Variants in RASSF3 observed in about 807,000 individuals in gnomAD.
RASSF3 encodes the protein Ras association domain family member 3.
In RASSF3, 19 loss-of-function variants were observed where a neutral mutation model predicts 19.9. That is an observed-to-expected ratio of 0.96 (90% CI 0.67 to 1.40). The LOEUF (loss-of-function observed/expected upper bound fraction) is 1.40. RASSF3 is among the 40% of genes most tolerant of loss of function. The probability of loss-of-function intolerance (pLI) is 0.00; values close to 1 mark genes in which losing one functional copy is unlikely to be tolerated. For missense variants in RASSF3, 306 were observed against 289.8 expected, an observed-to-expected ratio of 1.06 and a Z score of -0.41; for synonymous variants, 110 against 104.2, an observed-to-expected ratio of 1.06 and a Z score of -0.34.
chr12:64,665,553 C>T (rs1872517240), intron 1 of RASSF3, among the ~76,000 whole-genome samples: 1 of 152,110 alleles, frequency 6.6e-6, no homozygotes, highest in South Asian at 2.1e-4. Context: ...AAGCACCTCT[C>T]CATAAGACAC....
At chr12:64,537,343 T>G (rs1488797901) in intron 1 of RASSF3, among the ~76,000 whole-genome samples, 2 of 152,158 alleles carry the variant, frequency 1.3e-5, no homozygotes, top group African/African-American at 4.8e-5. Flanking sequence ...ATCCCCTCTG[T>G]CTCACAAACA....
chr12:64,610,158 C>G (rs1031112202), upstream of RASSF3, among the ~76,000 whole-genome samples: 8 of 152,184 alleles, frequency 5.3e-5, no homozygotes, highest in Non-Finnish European at 8.8e-5. Flanking sequence ...CTCCGAAACT[C>G]GAGCCAGCGA....
At chr12:64,587,027 ATATTCCTCG>A (rs150389864) in intron 2 of RASSF3, among the ~76,000 whole-genome samples, 4,203 of 150,558 alleles carry the variant, frequency 0.028, 232 homozygotes, top group African/African-American at 0.098. Flanking sequence ...TCTATTTTCC[ATATTCCTCG>A]TATTCCTCGC....
At chr12:64,626,488 CAAAAAAAAAA>C (rs36122537) in intron 1 of RASSF3, among the ~76,000 whole-genome samples, 1 of 76,850 alleles carries the variant, frequency 1.3e-5, no homozygotes, top group East Asian at 4.6e-4. Flanking sequence ...ACTCTTGTCT[CAAAAAAAAAA>C]AAAAAAAGAA....
chr12:64,691,474 C>T lies in RASSF3; in HGVS notation c.462C>T (p.Tyr154=), dbSNP rs756092933. 29 of 1,609,144 alleles carry T rather than the reference C, an allele frequency of 1.8e-5. No homozygotes were observed. Among genetic ancestry groups the T allele is most frequent in the South Asian group, 1.1e-4 (10 of 90,912 alleles). The change falls in exon 4 of 5, where the codon TAC becomes TAT. Residue 154 remains tyrosine, a synonymous_variant. Coordinates refer to ENST00000542104, the MANE Select transcript of RASSF3 (RefSeq NM_178169.4). ...YKRCHREDQV[Y]ACKLSDREHP... ...GCTGCTTGTTTCTTTACCCAGTCTA[C>T]GCCTGCAAGCTCTCAGACCGGGAAC... is the stretch of plus-strand genomic sequence containing the variant.
intron 1 of RASSF3, among the ~76,000 whole-genome samples, chr12:64,614,458 A>G (rs1174261051): frequency 6.6e-6 from 1 of 151,922 alleles, no homozygotes; most frequent in Non-Finnish European, 1.5e-5. Context: ...AATGTACTGT[A>G]TCTTATGGTG....
chr12:64,553,976 CAAA>C (rs1021865573), intron 2 of RASSF3, among the ~76,000 whole-genome samples: 9 of 83,480 alleles, frequency 1.1e-4, no homozygotes, highest in East Asian at 3.7e-4. Flanking sequence ...GATCCTGTCT[CAAA>C]AAAAAAAAAA....
intron 1 of RASSF3, among the ~76,000 whole-genome samples, chr12:64,638,027 T>C (rs1871381746): frequency 6.6e-6 from 1 of 151,798 alleles, no homozygotes; most frequent in African/African-American, 2.4e-5. Context: ...AGATGGGGTT[T>C]CACCATGTTG....
Position 64,641,414 on chromosome 12 carries a change from A to ACACACACACACACACACACGCGCG in RASSF3, c.111+30672_111+30673insACACACACACACACACACGCGCGC. On this transcript the variant is annotated intron_variant, in intron 1 of 4. Transcript: ENST00000542104. ...CTGTCTCACAGGCGCACACACACACACGCGCGCGCGCGCGTTGAAAACAAA... is the reference window on the plus strand; with the variant it reads ...CTGTCTCACAGGCGCACACACACACACACACACACACACACACACGCGCGCGCGCGCGCGCGCGTTGAAAACAAA... Among the ~76,000 whole-genome samples, 185 of 142,162 alleles carry ACACACACACACACACACACGCGCG rather than the reference A, an allele frequency of 1.3e-3. 2 individuals carry two copies. The highest frequency in any genetic ancestry group is 4.9e-3 in the African/African-American group (174 of 35,726). The allele number at this position is 142,162 out of a possible 152,430, so 93.3% of individuals were successfully genotyped here. A position where few individuals can be genotyped will look rare whatever the true frequency, so the allele number is the denominator to read the frequency against.
intron 1 of RASSF3, among the ~76,000 whole-genome samples, chr12:64,526,333 A>G (rs1468912297): frequency 6.6e-6 from 1 of 152,138 alleles, no homozygotes; most frequent in Non-Finnish European, 1.5e-5. Flanking sequence ...CTTAAAATCT[A>G]CTTGGCAATT....
At chr12:64,539,399 T>A (rs1868896404) in intron 1 of RASSF3, among the ~76,000 whole-genome samples, 1 of 152,222 alleles carries the variant, frequency 6.6e-6, no homozygotes, top group Admixed American at 6.5e-5. Context: ...GAATTAAGTT[T>A]CCAACACATG....
rs763875895 is a variant in RASSF3, at chr12:64,610,696, T to A, written c.64T>A (p.Ser22Thr). 13 of 1,596,104 alleles carry A rather than the reference T, an allele frequency of 8.1e-6. No individual in the cohort carries two copies. In the South Asian group the frequency reaches 1.5e-4, roughly 18 times the overall value. The change falls in exon 1 of 5, where the codon TCC becomes ACC. Residue 22 changes from serine to threonine, a missense_variant. Transcript: ENST00000542104. ...AEDFFFTART[S>T]FFRRAPQGKP... is the part of the protein sequence containing the mutation. ...GGACTTCTTCTTCACCGCCAGGACC[T>A]CCTTCTTCAGGAGAGCGCCCCAGGG...
chr12:64,546,907 T>C (rs982316288), intron 2 of RASSF3, among the ~76,000 whole-genome samples: 1 of 151,908 alleles, frequency 6.6e-6, no homozygotes, highest in Non-Finnish European at 1.5e-5. Context: ...AGCTATAGAA[T>C]TTGGCCAAGA....
rs530096848 is a variant in RASSF3 at position 64,551,485 on chromosome 12, A to T, written c.294+9780A>T. 3.9e-5 allele frequency among the ~76,000 whole-genome samples: 6 copies of T among 152,064 alleles called. 1 individual carries two copies. In the South Asian group the frequency reaches 1.2e-3, roughly 32 times the overall value. On this transcript the variant is annotated intron_variant, in intron 2 of 5. Transcript: ENST00000637125. ...CAGCTACTTAGGAGGCTGAGGTGGG[A>T]CGATCACTTGAACCTGGGAGGTTGA...
intron 2 of RASSF3, among the ~76,000 whole-genome samples, chr12:64,602,437 T>C (rs9738372): frequency 0.089 from 13,493 of 151,358 alleles, 1,988 homozygotes; most frequent in African/African-American, 0.3. Flanking sequence ...AAAAATTAGC[T>C]GGGCATGGTG....
At chr12:64,523,656 G>C (rs1305762749) in intron 1 of RASSF3, among the ~76,000 whole-genome samples, 1 of 151,600 alleles carries the variant, frequency 6.6e-6, no homozygotes, top group Non-Finnish European at 1.5e-5. Context: ...TGTAACTGGA[G>C]GAAAAGGGCA....
intron 1 of RASSF3, among the ~76,000 whole-genome samples, chr12:64,659,245 G>A (rs1872260217): frequency 6.6e-6 from 1 of 152,118 alleles, no homozygotes; most frequent in Non-Finnish European, 1.5e-5. Flanking sequence ...GAGAGAGGTG[G>A]AGTCAGAGGT....
At chr12:64,563,389 C>T (rs528073099) in intron 2 of RASSF3, among the ~76,000 whole-genome samples, 265 of 151,870 alleles carry the variant, frequency 1.7e-3, no homozygotes, top group Non-Finnish European at 1.8e-3. Flanking sequence ...AGGCTGGTCT[C>T]GATCTCCTGA....
chr12:64,593,838 C>A (rs1276711542), intron 2 of RASSF3, among the ~76,000 whole-genome samples: 1 of 151,814 alleles, frequency 6.6e-6, no homozygotes, highest in Non-Finnish European at 1.5e-5. Flanking sequence ...ATGGTGAAAG[C>A]CCATCTCTAC....
Sources: gnomAD v4.1 joint callset for allele counts (sites outside exome capture counted in the v4.1 genomes callset) on GRCh38, gnomAD v4.1.1 for gene constraint, MANE v1.5 for transcripts, NCBI Gene and HGNC (gene_info 2026-07-23, HGNC 2026-07-21) for gene names.